Variants in GPD2 observed in about 807,000 individuals in gnomAD.
GPD2 encodes glycerol-3-phosphate dehydrogenase, mitochondrial.
In GPD2, 54 loss-of-function variants were observed where a neutral mutation model predicts 82.4. That is an observed-to-expected ratio of 0.66 (90% CI 0.53 to 0.82). The LOEUF (loss-of-function observed/expected upper bound fraction) is 0.82, where lower values mean the gene tolerates loss of function less well. Ranked by LOEUF, GPD2 falls within the 40% of genes least tolerant of loss-of-function variation. GPD2 has a pLI of 0.00. For missense variants in GPD2, 748 were observed against 896.2 expected (o/e 0.83, Z 2.11); for synonymous variants, 288 against 306.1 (o/e 0.94, Z 0.62).
chr2:156,420,486 T>C, the GPD2 span, among the ~76,000 whole-genome samples: 2 of 152,188 alleles, frequency 1.3e-5, no homozygotes, highest in African/African-American at 2.4e-5. Flanking sequence ...GTTGTATTTC[T>C]ACCTATTTTG....
chr2:156,498,781 A>G (rs1041544676), intron 3 of GPD2, among the ~76,000 whole-genome samples: 1 of 152,148 alleles, frequency 6.6e-6, no homozygotes, highest in African/African-American at 2.4e-5. Context: ...GTGTGGTAGG[A>G]TATAAAGAAG....
At chr2:156,439,513 G>GGAAAAA in intron 1 of GPD2, among the ~76,000 whole-genome samples, 1 of 31,632 alleles carries the variant, frequency 3.2e-5, no homozygotes, top group Non-Finnish European at 5.1e-5. Flanking sequence ...GACTGTCTCA[G>GGAAAAA]AAAAAAAAAA....
upstream of GPD2, among the ~76,000 whole-genome samples, chr2:156,434,764 T>C (rs953934891): frequency 5.3e-5 from 8 of 152,328 alleles, no homozygotes; most frequent in Admixed American, 2.6e-4. Context: ...GTTCTCAAAC[T>C]TTAATGTGCA....
intron 13 of GPD2, among the ~76,000 whole-genome samples, chr2:156,573,599 T>C (rs1473142454): frequency 6.6e-6 from 1 of 152,208 alleles, no homozygotes; most frequent in East Asian, 1.9e-4. Context: ...GAAAATTCTG[T>C]AAACTGGTTG....
chr2:156,563,858 T>C (rs1436325496), intron 9 of GPD2, among the ~76,000 whole-genome samples: 3 of 152,156 alleles, frequency 2.0e-5, no homozygotes, highest in African/African-American at 7.2e-5. Context: ...CTTGTAGTTA[T>C]TTAAATTTAA....
rs767842019 is a variant in GPD2, at chr2:156,550,688, G to T, written c.913G>T (p.Ala305Ser). 1.2e-6 allele frequency: 2 copies of T among 1,613,618 alleles called. No individual in the cohort carries two copies. The highest frequency in any genetic ancestry group is 2.2e-5 in the South Asian group (2 of 91,066). ...TGTGCGCAAAATGGATGATAAAGAC[G>T]CAGCAGCTATCTGCCAGCCAAGTGC... is the stretch of plus-strand genomic sequence containing the variant. ...DSVRKMDDKD[A>S]AAICQPSAGV... The change falls in exon 8 of 17, where the codon GCA becomes TCA. Residue 305 changes from alanine to serine, a missense_variant. By Grantham distance (99) the Ala-to-Ser change is moderately conservative. Transcript: ENST00000438166.
the GPD2 span, among the ~76,000 whole-genome samples, chr2:156,424,123 C>T: frequency 6.6e-6 from 1 of 151,632 alleles, no homozygotes; most frequent in Admixed American, 6.6e-5. Context: ...GCCCATCATC[C>T]AGGAAGCTCG....
intron 1 of GPD2, among the ~76,000 whole-genome samples, chr2:156,447,967 C>T (rs1682427072): frequency 6.6e-6 from 1 of 152,204 alleles, no homozygotes; most frequent in Non-Finnish European, 1.5e-5. Context: ...GCATGTCCCA[C>T]AGTTGAGTCA....
At chr2:156,449,782 G>T (rs1017986370) in intron 1 of GPD2, among the ~76,000 whole-genome samples, 4 of 150,392 alleles carry the variant, frequency 2.7e-5, no homozygotes, top group Admixed American at 6.7e-5. Flanking sequence ...AGGCTGAGGC[G>T]GGTGAATCAC....
At chr2:156,426,195 T>A in the GPD2 span, among the ~76,000 whole-genome samples, 2 of 152,170 alleles carry the variant, frequency 1.3e-5, no homozygotes, top group Admixed American at 1.3e-4. Flanking sequence ...AGTGCTGGGA[T>A]TACAGGCGTG....
At chr2:156,524,034 A>G (rs1453226080) in intron 6 of GPD2, among the ~76,000 whole-genome samples, 1 of 152,168 alleles carries the variant, frequency 6.6e-6, no homozygotes, top group African/African-American at 2.4e-5. Context: ...GGTTTGTTAC[A>G]TGGATATATT....
chr2:156,481,718 A>C (rs2105213161), intron 2 of GPD2, among the ~76,000 whole-genome samples: 1 of 151,994 alleles, frequency 6.6e-6, no homozygotes, highest in African/African-American at 2.4e-5. Flanking sequence ...TCCTGAGCTC[A>C]AGTTCACCCA....
intron 3 of GPD2, among the ~76,000 whole-genome samples, chr2:156,508,006 C>T (rs1008307654): frequency 1.3e-5 from 2 of 152,122 alleles, no homozygotes; most frequent in Non-Finnish European, 1.5e-5. Flanking sequence ...ACAAGGAAAA[C>T]TCCCATCTCT....
rs372677926 is a variant in GPD2 at position 156,496,487 on chromosome 2, T to G, written c.274+272T>G. Among the ~76,000 whole-genome samples, 10 of 152,256 alleles carry G rather than the reference T, an allele frequency of 6.6e-5. No homozygotes were observed. In the East Asian group the frequency reaches 1.7e-3, roughly 26 times the overall value. ...GGTAAGTCTTGATGTGGATAACACT[T>G]CATCCTTTCTCCCAGTAAATACACA... On this transcript the variant is annotated intron_variant, in intron 3 of 16. Transcript: ENST00000438166.
chr2:156,484,511 C>G (rs938802028), intron 2 of GPD2, among the ~76,000 whole-genome samples: 2 of 152,034 alleles, frequency 1.3e-5, no homozygotes, highest in African/African-American at 4.8e-5. Context: ...TTTCCTGTAC[C>G]TGTTGATGGC....
At chr2:156,426,127 TTTAG>T in the GPD2 span, among the ~76,000 whole-genome samples, 5 of 151,596 alleles carry the variant, frequency 3.3e-5, no homozygotes, top group Admixed American at 6.6e-5. Context: ...GTTTCACCGT[TTTAG>T]CCGGGATAGT....
intron 6 of GPD2, among the ~76,000 whole-genome samples, chr2:156,522,869 G>A (rs1685460304): frequency 6.6e-6 from 1 of 151,890 alleles, no homozygotes; most frequent in African/African-American, 2.4e-5. Flanking sequence ...TTTACAAAAT[G>A]AAGATTATAG....
chr2:156,528,244 A>G (rs1417165009), intron 6 of GPD2, among the ~76,000 whole-genome samples: 2 of 152,068 alleles, frequency 1.3e-5, no homozygotes, highest in Non-Finnish European at 2.9e-5. Context: ...CATGTCTATT[A>G]TATAAAGCCA....
At chr2:156,470,483 G>A (rs199556252) in intron 1 of GPD2, among the ~76,000 whole-genome samples, 1 of 152,174 alleles carries the variant, frequency 6.6e-6, no homozygotes, top group East Asian at 1.9e-4. Context: ...ACAGGTATAA[G>A]CCACTGGTCC....
Sources: allele counts gnomAD v4.1 joint callset (sites outside exome capture counted in the v4.1 genomes callset), GRCh38; gene constraint gnomAD v4.1.1; transcripts MANE v1.5; gene names NCBI Gene and HGNC (gene_info 2026-07-23, HGNC 2026-07-21).